The following DTHD1 variants were observed in gnomAD, a reference collection of about 807,000 sequenced individuals.
The protein encoded by DTHD1 is death domain-containing protein 1.
A neutral mutation model predicts 74.8 loss-of-function variants in DTHD1; 59 were observed. The ratio of observed to expected loss-of-function variants is 0.79; its 90% confidence interval spans 0.64 to 0.98. DTHD1 has a LOEUF of 0.98. Ranked by LOEUF, DTHD1 falls within the 50% of genes least tolerant of loss-of-function variation. The pLI is 0.00. For synonymous variants in DTHD1, 365 were observed against 371.1 expected, an observed-to-expected ratio of 0.98 and a Z score of 0.19; for missense variants, 1,051 against 1,065.4, an observed-to-expected ratio of 0.99 and a Z score of 0.19.
chr4:36,284,679 TGCTACAACAAA>T, intron 2 of DTHD1, 88 bp downstream of exon 2: 2 of 1,026,200 alleles, frequency 1.9e-6, no homozygotes, highest in Non-Finnish European at 2.7e-6. Flanking sequence ...TCATTCAGGC[TGCTACAACAAA>T]ACATCATAAA....
At chr4:36,314,767 T>C (rs1218384036) in intron 7 of DTHD1, among the ~76,000 whole-genome samples, 2 of 138,438 alleles carry the variant, frequency 1.4e-5, no homozygotes, top group Non-Finnish European at 3.2e-5. Context: ...TTTTTTTTTT[T>C]TTTGCATGCA....
intron 5 of DTHD1, among the ~76,000 whole-genome samples, chr4:36,296,805 C>T (rs1470211910): frequency 2.6e-5 from 4 of 151,732 alleles, no homozygotes; most frequent in Non-Finnish European, 4.4e-5. Flanking sequence ...TTTTACTATG[C>T]TTTATATAGT....
At chr4:36,337,188 A>T (rs1488212386) in intron 8 of DTHD1, among the ~76,000 whole-genome samples, 1 of 152,118 alleles carries the variant, frequency 6.6e-6, no homozygotes, top group African/African-American at 2.4e-5. Flanking sequence ...CATGGAGAGG[A>T]GGAAAATGAA....
At chr4:36,300,117 A>C (rs1282665007) in intron 5 of DTHD1, among the ~76,000 whole-genome samples, 1 of 152,126 alleles carries the variant, frequency 6.6e-6, no homozygotes, top group Non-Finnish European at 1.5e-5. Context: ...TAACATCTGA[A>C]GTCTTTGGGC....
At chr4:36,299,195 C>T (rs969350962) in intron 5 of DTHD1, among the ~76,000 whole-genome samples, 1 of 152,100 alleles carries the variant, frequency 6.6e-6, no homozygotes, top group African/African-American at 2.4e-5. Context: ...ACATTTTCTT[C>T]TTCTTCTCTG....
intron 8 of DTHD1, among the ~76,000 whole-genome samples, chr4:36,337,016 A>G (rs1759045660): frequency 6.6e-6 from 1 of 152,148 alleles, no homozygotes; most frequent in African/African-American, 2.4e-5. Flanking sequence ...CCAGTGAGCC[A>G]CACAGGGATG....
In DTHD1 at chr4:36,334,585, C is replaced by T. The variant is rs192099947; in HGVS notation, c.2341-4527C>T. Among the ~76,000 whole-genome samples the T allele has an allele frequency of 1.0e-3, 154 of 152,188 alleles. 1 individual carries two copies. In the East Asian group the frequency reaches 0.022, roughly 21 times the overall value. Reference sequence around the variant, plus strand: ...ATCTTGGCCAGGCTGATGTCAAACTCGTGACCTCAGGTGATCCACCTGCCT... The same window carrying T: ...ATCTTGGCCAGGCTGATGTCAAACTTGTGACCTCAGGTGATCCACCTGCCT... On this transcript the variant is annotated intron_variant, in intron 8 of 9. Coordinates refer to ENST00000639862, the MANE Select transcript of DTHD1 (RefSeq NM_001170700.3).
chr4:36,307,280 A>G (rs1243977900), intron 6 of DTHD1, among the ~76,000 whole-genome samples: 3 of 152,246 alleles, frequency 2.0e-5, no homozygotes, highest in African/African-American at 4.8e-5. Context: ...GGCCAGAAGT[A>G]CAAAATCAAG....
rs1164153532 is a variant in DTHD1 at position 36,346,516 on chromosome 4, C to G, written c.*2692C>G. 6.6e-6 allele frequency among the ~76,000 whole-genome samples: 1 copy of G among 152,120 alleles called. No individual in the cohort carries two copies. The highest frequency in any genetic ancestry group is 2.4e-5 in the African/African-American group (1 of 41,514). Reference sequence around the variant, plus strand: ...ACAATTGATCATCCCTGCAGCATCTCCTCTCTTAAGATAATCCAGGAAATC... The same window carrying G: ...ACAATTGATCATCCCTGCAGCATCTGCTCTCTTAAGATAATCCAGGAAATC... On this transcript the variant is annotated 3_prime_UTR_variant, in exon 10 of 10. Transcript: ENST00000639862.
In DTHD1 at chr4:36,281,800, A is replaced by G; in HGVS notation, c.42A>G (p.Ile14Met). The G allele has an allele frequency of 8.1e-7, 1 of 1,240,858 alleles. No homozygotes were observed. Among genetic ancestry groups the G allele is most frequent in the Non-Finnish European group, 1.0e-6 (1 of 991,072 alleles). 76.9% of individuals were successfully genotyped at this position (1,240,858 alleles called of 1,614,324 possible). A position where few individuals can be genotyped will look rare whatever the true frequency, so the allele number is the denominator to read the frequency against. Residue 14 changes from isoleucine (I) to methionine (M), a missense_variant, in exon 1 of 10, where the codon ATA becomes ATG. By Grantham distance (10) the Ile-to-Met change is conservative (BLOSUM62 1). Transcript: ENST00000639862. ...EYMGSGKLGQ[I>M]LKQIWRQNQM... is the part of the protein sequence containing the mutation. ...TGGGCTCAGGTAAACTGGGCCAAAT[A>G]TTGAAGCAGATTTGGAGACAAAACC...
intron 8 of DTHD1, among the ~76,000 whole-genome samples, chr4:36,337,862 A>C (rs1759098586): frequency 6.6e-6 from 1 of 152,220 alleles, no homozygotes; most frequent in African/African-American, 2.4e-5. Flanking sequence ...AAGCTTTAAA[A>C]AACGTTTTGA....
At chr4:36,297,797 G>T (rs1042289140) in intron 5 of DTHD1, among the ~76,000 whole-genome samples, 2 of 152,134 alleles carry the variant, frequency 1.3e-5, no homozygotes, top group Non-Finnish European at 2.9e-5. Flanking sequence ...ATAGGGGGAG[G>T]AGCACCCACA....
intron 9 of DTHD1, among the ~76,000 whole-genome samples, chr4:36,340,937 A>G (rs1759281951): frequency 6.6e-6 from 1 of 152,082 alleles, no homozygotes; most frequent in Non-Finnish European, 1.5e-5. Context: ...AAGAGAGGAA[A>G]GAGGAGAAGC....
chr4:36,290,367 C>A lies in DTHD1; in HGVS notation c.888-6C>A. 1 of 1,538,234 alleles carries A rather than the reference C, an allele frequency of 6.5e-7. No homozygotes were observed. Among genetic ancestry groups the A allele is most frequent in the African/African-American group, 1.4e-5 (1 of 72,466 alleles). On this transcript the variant is annotated splice_polypyrimidine_tract_variant and splice_region_variant and intron_variant, in intron 2 of 9. Coordinates refer to ENST00000639862, the MANE Select transcript of DTHD1 (RefSeq NM_001170700.3). ...TGGAAAAATGACATTCTTTTTCCCC[C>A]TCCAGGTATCTTGATGTGCTGAGTG... is the stretch of plus-strand genomic sequence containing the variant.
intron 5 of DTHD1, among the ~76,000 whole-genome samples, chr4:36,298,139 T>G (rs1756553662): frequency 6.6e-6 from 1 of 152,108 alleles, no homozygotes; most frequent in African/African-American, 2.4e-5. Flanking sequence ...AAGTTCCAGT[T>G]CAACTCTTTC....
chr4:36,329,179 G>A (rs16992080), intron 8 of DTHD1, among the ~76,000 whole-genome samples: 10,232 of 152,220 alleles, frequency 0.067, 642 homozygotes, highest in Admixed American at 0.21. Flanking sequence ...ACCTTTAGAG[G>A]GTTTGGCAAA....
Position 36,316,470 on chromosome 4 carries a change from C to T in DTHD1, c.2324C>T (p.Pro775Leu), listed in dbSNP as rs1757743527. The change falls in exon 8 of 10, where the codon CCA becomes CTA. Residue 775 changes from proline (P) to leucine (L), a missense_variant. Pro to Leu is a moderately conservative substitution (Grantham distance 98, BLOSUM62 -3). Transcript: ENST00000639862. ...NHSQLPICKL[P>L]LKLPKHKKLI... ...TCTCAGTTGCCAATTTGCAAATTAC[C>T]ATTGAAATTGCCAAAGGTGAGTTAT... The T allele has an allele frequency of 6.5e-7, 1 of 1,548,706 alleles. No homozygotes were observed.
intron 8 of DTHD1, among the ~76,000 whole-genome samples, chr4:36,323,312 T>C (rs1758143797): frequency 6.6e-6 from 1 of 152,218 alleles, no homozygotes; most frequent in Non-Finnish European, 1.5e-5. Context: ...CAAGAATCAG[T>C]TCGTCAGAAT....
chr4:36,320,008 G>A (rs142362350), intron 8 of DTHD1, among the ~76,000 whole-genome samples: 1 of 152,254 alleles, frequency 6.6e-6, no homozygotes, highest in East Asian at 1.9e-4. Flanking sequence ...TGGAGCTACG[G>A]CATTTTGTAC....
Sources: gnomAD v4.1 joint callset for allele counts (sites outside exome capture counted in the v4.1 genomes callset) on GRCh38, gnomAD v4.1.1 for gene constraint, MANE v1.5 for transcripts, NCBI Gene and HGNC (gene_info 2026-07-23, HGNC 2026-07-21) for gene names.